GUCY1B1: variants seen among roughly 807,000 people sequenced by gnomAD.
The protein encoded by GUCY1B1 is guanylate cyclase 1 soluble subunit beta 1.
Under a neutral mutation model 71.0 loss-of-function variants are expected in GUCY1B1, and 43 were observed. The observed-to-expected ratio is 0.61, with a 90% CI of 0.47 to 0.78. GUCY1B1 has a LOEUF of 0.78. GUCY1B1 is among the 30% of genes least tolerant of loss of function. The pLI is 0.00. For synonymous variants in GUCY1B1, 266 were observed against 259.7 expected, an observed-to-expected ratio of 1.02 and a Z score of -0.23; for missense variants, 535 against 754.1, an observed-to-expected ratio of 0.71 and a Z score of 3.40.
At chr4:155,777,937 TG>T (rs1317843073) in intron 4 of GUCY1B1, among the ~76,000 whole-genome samples, 1 of 152,204 alleles carries the variant, frequency 6.6e-6, no homozygotes, top group Non-Finnish European at 1.5e-5. Context: ...GCCCTTTTTT[TG>T]GGGTAATGGC....
intron 6 of GUCY1B1, among the ~76,000 whole-genome samples, chr4:155,794,726 C>G (rs895648326): frequency 6.6e-6 from 1 of 152,036 alleles, no homozygotes; most frequent in Admixed American, 6.6e-5. Flanking sequence ...CAGGATTAGC[C>G]CAGTTGGATC....
intron 3 of GUCY1B1, among the ~76,000 whole-genome samples, 167 bp from the exon 4 acceptor site, chr4:155,777,357 A>T (rs552351942): frequency 6.6e-6 from 1 of 152,226 alleles, no homozygotes; most frequent in South Asian, 2.1e-4. Context: ...GTCTTCTCTG[A>T]TTTCATTGTA....
Position 155,804,856 on chromosome 4 carries a change from T to C in GUCY1B1, c.1709+109T>C, listed in dbSNP as rs1234442926. On this transcript the variant is annotated intron_variant, in intron 12 of 13. Transcript: ENST00000264424. ...GCTTTAACAGAGTTATCACCTTCACTCTTCCCCACTGCTTGTAGAGTTGTT... is the reference window on the plus strand; with the variant it reads ...GCTTTAACAGAGTTATCACCTTCACCCTTCCCCACTGCTTGTAGAGTTGTT... The C allele has an allele frequency of 2.1e-5, 19 of 914,494 alleles. No individual in the cohort carries two copies. The East Asian group carries it at 3.7e-4, about 18-fold the overall frequency. 56.6% of individuals were successfully genotyped at this position (914,494 alleles called of 1,614,324 possible). A position where few individuals can be genotyped will look rare whatever the true frequency, so the allele number is the denominator to read the frequency against.
intron 6 of GUCY1B1, among the ~76,000 whole-genome samples, chr4:155,794,481 G>A (rs1739402282): frequency 6.6e-6 from 1 of 152,012 alleles, no homozygotes; most frequent in African/African-American, 2.4e-5. Flanking sequence ...GGGAAAAGGG[G>A]GGATTTTAAA....
chr4:155,793,974 A>G lies in GUCY1B1; in HGVS notation c.614A>G (p.Glu205Gly). ...AGATTTGAAGAAAATGGTACCCAGG[A>G]ATCACGCATCAGCCCATATACATTC... ...LDRFEENGTQ[E>G]SRISPYTFCK... The change falls in exon 6 of 14, where the codon GAA becomes GGA. Residue 205 changes from glutamate (E) to glycine (G), a missense_variant. Coordinates refer to ENST00000264424, the MANE Select transcript of GUCY1B1 (RefSeq NM_000857.5). The G allele has an allele frequency of 1.2e-6, 2 of 1,608,664 alleles. No homozygotes were observed. The highest frequency in any genetic ancestry group is 1.7e-6 in the Non-Finnish European group (2 of 1,175,014).
intron 9 of GUCY1B1, among the ~76,000 whole-genome samples, chr4:155,801,791 T>A (rs577187615): frequency 6.6e-6 from 1 of 152,332 alleles, no homozygotes; most frequent in South Asian, 2.1e-4. Flanking sequence ...CAATAATTTA[T>A]TTTCTAGACC....
intron 2 of GUCY1B1, among the ~76,000 whole-genome samples, chr4:155,762,934 G>C (rs1408113332): frequency 5.9e-5 from 9 of 152,068 alleles, no homozygotes; most frequent in African/African-American, 2.2e-4. Context: ...AAAAGCAAAA[G>C]AGACCTCTGA....
intron 4 of GUCY1B1, among the ~76,000 whole-genome samples, chr4:155,783,987 A>C (rs1738604244): frequency 6.6e-6 from 1 of 152,082 alleles, no homozygotes; most frequent in Admixed American, 6.6e-5. Context: ...ACTGGTATAT[A>C]TTTTCATAAT....
intron 2 of GUCY1B1, among the ~76,000 whole-genome samples, chr4:155,760,421 C>A (rs1736915935): frequency 8.7e-6 from 1 of 115,304 alleles, no homozygotes; most frequent in African/African-American, 3.5e-5. Context: ...AATCCCACTG[C>A]CCACCCCCCC....
intron 5 of GUCY1B1, among the ~76,000 whole-genome samples, chr4:155,792,230 G>A (rs948514556): frequency 6.6e-6 from 1 of 151,948 alleles, no homozygotes; most frequent in African/African-American, 2.4e-5. Flanking sequence ...ATGTCATAAA[G>A]TGATATACCA....
chr4:155,768,697 G>A (rs907139643), intron 2 of GUCY1B1, among the ~76,000 whole-genome samples: 1 of 152,114 alleles, frequency 6.6e-6, no homozygotes, highest in South Asian at 2.1e-4. Flanking sequence ...AAGGTAATTA[G>A]TATAAATAAA....
At chr4:155,763,373 A>G (rs1579185473) in intron 2 of GUCY1B1, among the ~76,000 whole-genome samples, 1 of 152,266 alleles carries the variant, frequency 6.6e-6, no homozygotes, top group Non-Finnish European at 1.5e-5. Flanking sequence ...ACTGAAACAT[A>G]CAAATTAGGA....
chr4:155,765,599 T>C (rs1440130916), intron 2 of GUCY1B1, among the ~76,000 whole-genome samples: 1 of 152,214 alleles, frequency 6.6e-6, no homozygotes, highest in East Asian at 1.9e-4. Context: ...TTACTGTGGC[T>C]TTGGTTCTGT....
chr4:155,783,556 G>GAT, intron 4 of GUCY1B1, among the ~76,000 whole-genome samples: 1 of 152,240 alleles, frequency 6.6e-6, no homozygotes, highest in South Asian at 2.1e-4. Context: ...ACTCAACTCA[G>GAT]ATATATTTGA....
intron 4 of GUCY1B1, chr4:155,785,418 T>A (rs1285224822): frequency 3.2e-6 from 2 of 619,306 alleles, no homozygotes; most frequent in Admixed American, 5.9e-5. Flanking sequence ...CTTTACTTTC[T>A]GTAAGTGCTT....
chr4:155,800,095 G>T (rs1198306337), intron 9 of GUCY1B1, 21 bp downstream of exon 9: 1 of 1,528,138 alleles, frequency 6.5e-7, no homozygotes, highest in Non-Finnish European at 9.0e-7. Context: ...AACGCTTGGA[G>T]CACTACTGTT....
At chr4:155,760,949 T>G (rs1024123592) in intron 2 of GUCY1B1, among the ~76,000 whole-genome samples, 1 of 152,254 alleles carries the variant, frequency 6.6e-6, no homozygotes, top group African/African-American at 2.4e-5. Context: ...GGCCTTATTA[T>G]GCAGTTACAT....
chr4:155,760,760 C>G (rs982305222), intron 2 of GUCY1B1, among the ~76,000 whole-genome samples: 1 of 152,218 alleles, frequency 6.6e-6, no homozygotes, highest in Admixed American at 6.5e-5. Context: ...AACAGTCAGA[C>G]TATCACATTG....
chr4:155,779,800 A>G (rs980530083), intron 4 of GUCY1B1, among the ~76,000 whole-genome samples: 1 of 152,166 alleles, frequency 6.6e-6, no homozygotes, highest in Non-Finnish European at 1.5e-5. Context: ...GCACACATAT[A>G]TTGACATTTT....
Sources: gnomAD v4.1 joint callset for allele counts (sites outside exome capture counted in the v4.1 genomes callset) on GRCh38, gnomAD v4.1.1 for gene constraint, MANE v1.5 for transcripts, NCBI Gene and HGNC (gene_info 2026-07-23, HGNC 2026-07-21) for gene names.